PCDH9: variants seen among roughly 807,000 people sequenced by gnomAD.
PCDH9 encodes the protein protocadherin 9.
Under a neutral mutation model 70.6 loss-of-function variants are expected in PCDH9, and 24 were observed. That is an observed-to-expected ratio of 0.34 (90% confidence interval 0.25 to 0.48). PCDH9 has a LOEUF of 0.48. Ranked by LOEUF, PCDH9 falls within the 20% of genes least tolerant of loss-of-function variation. The pLI is 0.99. For missense variants in PCDH9, 1,281 were observed against 1,503.6 expected, an observed-to-expected ratio of 0.85 and a Z score of 2.45; for synonymous variants, 562 against 558.5, an observed-to-expected ratio of 1.01 and a Z score of -0.09.
At chr13:66,315,726 C>T (rs1272546372) in intron 4 of PCDH9, among the ~76,000 whole-genome samples, 1 of 152,176 alleles carries the variant, frequency 6.6e-6, no homozygotes, top group African/African-American at 2.4e-5. Context: ...GGTGATCTGC[C>T]CTCCTTGGCC....
chr13:66,819,861 A>G (rs1219962329), intron 3 of PCDH9, among the ~76,000 whole-genome samples: 4 of 152,174 alleles, frequency 2.6e-5, no homozygotes, highest in Admixed American at 1.3e-4. Flanking sequence ...ATGCCACTGC[A>G]CTCCAGCCTA....
chr13:66,767,424 G>T (rs2079735755), intron 3 of PCDH9, among the ~76,000 whole-genome samples: 1 of 151,990 alleles, frequency 6.6e-6, no homozygotes. Flanking sequence ...AATCTTAATG[G>T]TGCCTGATTT....
chr13:66,839,700 C>T (rs980974251), intron 3 of PCDH9, among the ~76,000 whole-genome samples: 6 of 152,100 alleles, frequency 3.9e-5, no homozygotes, highest in African/African-American at 1.2e-4. Context: ...GTCCTCTGCC[C>T]GAGTTAGCTA....
chr13:66,927,803 T>C (rs1594270997), intron 2 of PCDH9, among the ~76,000 whole-genome samples: 1 of 152,122 alleles, frequency 6.6e-6, no homozygotes, highest in Non-Finnish European at 1.5e-5. Context: ...TATTACCTTG[T>C]TAAAGATCCT....
chr13:66,736,723 G>C (rs553600163), intron 3 of PCDH9, among the ~76,000 whole-genome samples: 1 of 152,282 alleles, frequency 6.6e-6, no homozygotes, highest in East Asian at 1.9e-4. Context: ...AATATGAATA[G>C]GTAAGTCTGT....
chr13:67,032,591 G>A (rs1566376395), intron 2 of PCDH9, among the ~76,000 whole-genome samples: 1 of 152,112 alleles, frequency 6.6e-6, no homozygotes, highest in Non-Finnish European at 1.5e-5. Flanking sequence ...TTGTTCTAAG[G>A]TGCACATGCA....
chr13:66,444,778 C>G (rs970376891), intron 4 of PCDH9, among the ~76,000 whole-genome samples: 2 of 151,924 alleles, frequency 1.3e-5, no homozygotes, highest in African/African-American at 4.8e-5. Context: ...CCAGGCTGTT[C>G]CTGAACCCCT....
chr13:66,651,003 A>G (rs750624444), intron 3 of PCDH9, among the ~76,000 whole-genome samples: 17 of 151,960 alleles, frequency 1.1e-4, no homozygotes, highest in Non-Finnish European at 2.4e-4. Context: ...TGGAAACACA[A>G]CATACCAAAA....
At chr13:66,844,261 A>G (rs1261741783) in intron 3 of PCDH9, among the ~76,000 whole-genome samples, 1 of 152,134 alleles carries the variant, frequency 6.6e-6, no homozygotes, top group African/African-American at 2.4e-5. Flanking sequence ...TAAGACAAGA[A>G]TATACTCCCA....
intron 3 of PCDH9, among the ~76,000 whole-genome samples, chr13:66,774,068 G>A (rs906476275): frequency 2.0e-5 from 3 of 152,196 alleles, no homozygotes; most frequent in South Asian, 2.1e-4. Flanking sequence ...ATGAGCCACC[G>A]CACCCAGCCA....
chr13:67,150,457 G>C (rs1181890852), intron 2 of PCDH9, among the ~76,000 whole-genome samples: 1 of 152,088 alleles, frequency 6.6e-6, no homozygotes, highest in Non-Finnish European at 1.5e-5. Flanking sequence ...TGCATTAGTA[G>C]GTAAAAAGGA....
intron 4 of PCDH9, among the ~76,000 whole-genome samples, chr13:66,430,960 A>G (rs1194319749): frequency 6.6e-6 from 1 of 152,106 alleles, no homozygotes; most frequent in Admixed American, 6.6e-5. Flanking sequence ...GCAAATCTAC[A>G]GTCCAGCTAT....
chr13:66,692,401 G>A (rs1474947418), intron 3 of PCDH9, among the ~76,000 whole-genome samples: 1 of 151,996 alleles, frequency 6.6e-6, no homozygotes, highest in Admixed American at 6.6e-5. Context: ...TAAGACACTC[G>A]AAAGGAAGTC....
At chr13:66,629,845 G>A (rs999024839) in intron 4 of PCDH9, among the ~76,000 whole-genome samples, 2 of 152,152 alleles carry the variant, frequency 1.3e-5, no homozygotes, top group Non-Finnish European at 2.9e-5. Context: ...GGGATTGGAA[G>A]GAGGCATACC....
At chr13:66,896,043 C>A (rs991016740) in intron 3 of PCDH9, among the ~76,000 whole-genome samples, 2 of 152,150 alleles carry the variant, frequency 1.3e-5, no homozygotes, top group Non-Finnish European at 2.9e-5. Context: ...ATCAAGCCTG[C>A]GACCAACACT....
intron 3 of PCDH9, among the ~76,000 whole-genome samples, chr13:66,728,945 T>G (rs1469281486): frequency 2.0e-5 from 3 of 152,120 alleles, no homozygotes; most frequent in Non-Finnish European, 4.4e-5. Flanking sequence ...TTTCTGTCCA[T>G]GGTGTTTTTT....
intron 4 of PCDH9, among the ~76,000 whole-genome samples, chr13:66,439,918 T>A (rs184862508): frequency 9.9e-5 from 15 of 152,258 alleles, no homozygotes; most frequent in African/African-American, 3.6e-4. Flanking sequence ...AATTCCACAG[T>A]TCATTTTAGA....
At chr13:66,432,728 G>A (rs1957794876) in intron 4 of PCDH9, among the ~76,000 whole-genome samples, 1 of 151,892 alleles carries the variant, frequency 6.6e-6, no homozygotes, top group Admixed American at 6.6e-5. Context: ...TAGGACTAAA[G>A]ACATGGAAGA....
At chr13:66,738,446 C>T (rs1285819405) in intron 3 of PCDH9, among the ~76,000 whole-genome samples, 1 of 150,544 alleles carries the variant, frequency 6.6e-6, no homozygotes, top group Non-Finnish European at 1.5e-5. Flanking sequence ...TCTCCTCCTC[C>T]AAAGGAACGC....
Sources: gnomAD v4.1 joint callset for allele counts (sites outside exome capture counted in the v4.1 genomes callset) on GRCh38, gnomAD v4.1.1 for gene constraint, MANE v1.5 for transcripts, NCBI Gene and HGNC (gene_info 2026-07-23, HGNC 2026-07-21) for gene names.